The following ADIPOR2 variants were observed in gnomAD, a reference collection of about 807,000 sequenced individuals.
ADIPOR2 encodes adiponectin receptor protein 2.
ADIPOR2 carries 18 observed loss-of-function variants against 40.9 expected under a neutral mutation model. The observed-to-expected ratio is 0.44, with a 90% CI of 0.30 to 0.65. The LOEUF is 0.65. ADIPOR2 is among the 30% of genes least tolerant of loss of function. The probability of loss-of-function intolerance (pLI) is 0.09; values close to 1 mark genes in which losing one functional copy is unlikely to be tolerated. For synonymous variants in ADIPOR2, 165 were observed against 166.4 expected, an observed-to-expected ratio of 0.99 and a Z score of 0.06; for missense variants, 283 against 479.2, an observed-to-expected ratio of 0.59 and a Z score of 3.82.
At chr12:1,713,999 C>A (rs539074665) in intron 1 of ADIPOR2, among the ~76,000 whole-genome samples, 1 of 152,106 alleles carries the variant, frequency 6.6e-6, no homozygotes, top group African/African-American at 2.4e-5. Flanking sequence ...GCGCTTGCCC[C>A]GGGCACCCTC....
In ADIPOR2 at chr12:1,717,151, A is replaced by T. The variant is rs1378143040; in HGVS notation, c.-87+25960A>T. On this transcript the variant is annotated intron_variant, in intron 1 of 7. Transcript: ENST00000357103. ...AGCCTACTGTGATAGGAATGGTTGT[A>T]AGACTTGGAAGTTTTTCCTTCCTAA... 3.3e-5 allele frequency among the ~76,000 whole-genome samples: 5 copies of T among 152,190 alleles called. No homozygotes were observed. The East Asian group carries it at 9.6e-4, about 29-fold the overall frequency.
rs562291132 is a variant in ADIPOR2, at chr12:1,787,263, T to C, written c.*1191T>C. The C allele has an allele frequency of 1.3e-5, 2 of 152,336 alleles. No individual in the cohort carries two copies. The highest frequency in any genetic ancestry group is 3.9e-4 in the East Asian group (2 of 5,178). 9.4% of individuals were successfully genotyped at this position (152,336 alleles called of 1,614,324 possible). On this transcript the variant is annotated 3_prime_UTR_variant, in exon 8 of 8. Transcript: ENST00000357103. ...TTTCTCCTGAGCTCATCTACATAGA[T>C]TGGTAGACCCTTCCTTTGGATTAGG...
At chr12:1,753,088 A>G (rs955259556) in intron 1 of ADIPOR2, among the ~76,000 whole-genome samples, 56 of 152,324 alleles carry the variant, frequency 3.7e-4, no homozygotes, top group African/African-American at 6.7e-4. Context: ...TTCTTAGTCT[A>G]TGTATCCACA....
At chr12:1,762,663 A>G (rs1862294263) in intron 2 of ADIPOR2, among the ~76,000 whole-genome samples, 1 of 152,226 alleles carries the variant, frequency 6.6e-6, no homozygotes, top group African/African-American at 2.4e-5. Flanking sequence ...GTTCACTTTT[A>G]TTGATCTTTT....
At chr12:1,708,201 A>G (rs1262314465) in intron 1 of ADIPOR2, among the ~76,000 whole-genome samples, 1 of 123,364 alleles carries the variant, frequency 8.1e-6, no homozygotes, top group Non-Finnish European at 1.9e-5. Context: ...TTTTTTTTTT[A>G]AATAAGGGAC....
At position 1,754,272 on chromosome 12, in the gene ADIPOR2, C is replaced by G; in HGVS notation, c.-72C>G. Reference sequence around the variant, plus strand: ...CATCTTCTTAGGATCAACTCACTATCCTGAAGGTCCATTCTCCCAAGAAGA... The same window carrying G: ...CATCTTCTTAGGATCAACTCACTATGCTGAAGGTCCATTCTCCCAAGAAGA... On this transcript the variant is annotated 5_prime_UTR_variant, in exon 2 of 8. In the 5' UTR this introduces an upstream ATG that the reference lacks. Coordinates refer to ENST00000357103, the MANE Select transcript of ADIPOR2 (RefSeq NM_024551.3). 1 of 1,408,068 alleles carries G rather than the reference C, an allele frequency of 7.1e-7. No homozygotes were observed. Among genetic ancestry groups the G allele is most frequent in the African/African-American group, 1.5e-5 (1 of 68,724 alleles). 87.2% of individuals were successfully genotyped at this position (1,408,068 alleles called of 1,614,324 possible).
intron 1 of ADIPOR2, among the ~76,000 whole-genome samples, chr12:1,717,088 G>A (rs927160043): frequency 1.3e-5 from 2 of 152,208 alleles, no homozygotes; most frequent in South Asian, 4.1e-4. Context: ...TAAAATTAGT[G>A]TTAAGTTGAG....
Position 1,740,413 on chromosome 12 carries a change from C to T in ADIPOR2, c.-86-13845C>T, listed in dbSNP as rs968466634. Among the ~76,000 whole-genome samples, 18 of 152,340 alleles carry T rather than the reference C, an allele frequency of 1.2e-4. No homozygotes were observed. The East Asian group carries it at 3.1e-3, about 26-fold the overall frequency. ...TTGGCTTGCAATTGTTGCCTTCTCT[C>T]TGTCCTCACAGGGCCTTTCCTCTGG... is the stretch of plus-strand genomic sequence containing the variant. On this transcript the variant is annotated intron_variant, in intron 1 of 7. Transcript: ENST00000357103.
At chr12:1,749,836 T>G (rs1007265361) in intron 1 of ADIPOR2, among the ~76,000 whole-genome samples, 1 of 148,144 alleles carries the variant, frequency 6.8e-6, no homozygotes. Flanking sequence ...TGTTTAGTTT[T>G]TTTTTTTTTT....
At chr12:1,760,082 A>G (rs935673505) in intron 2 of ADIPOR2, among the ~76,000 whole-genome samples, 1 of 148,524 alleles carries the variant, frequency 6.7e-6, no homozygotes, top group African/African-American at 2.5e-5. Flanking sequence ...CCCGTAGGAG[A>G]TAGTTAAGGA....
At chr12:1,710,837 G>A (rs528381852) in intron 1 of ADIPOR2, among the ~76,000 whole-genome samples, 1 of 152,170 alleles carries the variant, frequency 6.6e-6, no homozygotes, top group East Asian at 1.9e-4. Flanking sequence ...CTCATTTGGG[G>A]TTCCATTTGT....
chr12:1,758,604 G>T (rs1272102313), intron 2 of ADIPOR2, among the ~76,000 whole-genome samples: 1 of 152,180 alleles, frequency 6.6e-6, no homozygotes, highest in East Asian at 1.9e-4. Context: ...CTACACATGG[G>T]AGCTAGAAAA....
chr12:1,729,083 T>C (rs1289349590), intron 1 of ADIPOR2, among the ~76,000 whole-genome samples: 2 of 151,854 alleles, frequency 1.3e-5, no homozygotes, highest in African/African-American at 4.8e-5. Flanking sequence ...ATAATCTCCC[T>C]TTGTAAACTT....
At chr12:1,694,617 A>T (rs765814958) in intron 1 of ADIPOR2, among the ~76,000 whole-genome samples, 3 of 152,222 alleles carry the variant, frequency 2.0e-5, no homozygotes, top group Non-Finnish European at 2.9e-5. Context: ...GAATCCACAG[A>T]CATAAGAGCC....
At chr12:1,708,994 C>T (rs1426493346) in intron 1 of ADIPOR2, among the ~76,000 whole-genome samples, 2 of 152,184 alleles carry the variant, frequency 1.3e-5, no homozygotes, top group Admixed American at 1.3e-4. Flanking sequence ...TGCTGGATTA[C>T]ATGTGTGAGC....
chr12:1,691,227 G>C (rs1435715928), intron 1 of ADIPOR2, 36 bp downstream of exon 1: 1 of 153,440 alleles, frequency 6.5e-6, no homozygotes, highest in African/African-American at 2.4e-5. Flanking sequence ...AGGGTCTCTG[G>C]AGTGTGGGCG....
intron 1 of ADIPOR2, among the ~76,000 whole-genome samples, chr12:1,727,725 C>T (rs114666110): frequency 1.3e-5 from 2 of 152,046 alleles, no homozygotes; most frequent in East Asian, 1.9e-4. Flanking sequence ...TCAGTAGCCC[C>T]TTGGGGTATT....
chr12:1,718,135 G>T (rs1210600836), intron 1 of ADIPOR2, among the ~76,000 whole-genome samples: 3 of 152,080 alleles, frequency 2.0e-5, no homozygotes. Flanking sequence ...TGTTTCTGAT[G>T]TTGAATGATA....
intron 1 of ADIPOR2, among the ~76,000 whole-genome samples, chr12:1,704,034 T>TTG (rs2094656563): frequency 6.9e-6 from 1 of 145,238 alleles, no homozygotes; most frequent in African/African-American, 2.5e-5. Context: ...TTTTTTTTTT[T>TTG]GGGTCTTGGT....
Sources: gnomAD v4.1 joint callset for allele counts (sites outside exome capture counted in the v4.1 genomes callset) on GRCh38, gnomAD v4.1.1 for gene constraint, MANE v1.5 for transcripts, NCBI Gene and HGNC (gene_info 2026-07-23, HGNC 2026-07-21) for gene names.